FAM149B1: variants seen among roughly 807,000 people sequenced by gnomAD.
FAM149B1 encodes family with sequence similarity 149 member B1.
FAM149B1 carries 56 observed loss-of-function variants against 75.3 expected under a neutral mutation model. That is an observed-to-expected ratio of 0.74 (90% CI 0.60 to 0.93). FAM149B1 has a LOEUF of 0.93. Ranked by LOEUF, FAM149B1 falls within the 40% of genes least tolerant of loss-of-function variation. The pLI is 0.00. For missense variants in FAM149B1, 639 were observed against 708.4 expected (o/e 0.90, Z 1.11); for synonymous variants, 259 against 256.1 (o/e 1.01, Z -0.11).
chr10:73,190,733 T>G (rs1163722086), intron 3 of FAM149B1, among the ~76,000 whole-genome samples: 13 of 151,662 alleles, frequency 8.6e-5, no homozygotes, highest in Non-Finnish European at 1.8e-4. Flanking sequence ...TTTTTTTTTT[T>G]TTTTTAAGAG....
rs2043942146 is a variant in FAM149B1 at position 73,241,074 on chromosome 10, T to C, written c.*55T>C. 4 of 984,496 alleles carry C rather than the reference T, an allele frequency of 4.1e-6. No homozygotes were observed. Among genetic ancestry groups the C allele is most frequent in the Middle Eastern group, 2.0e-4 (1 of 4,882 alleles). The allele number at this position is 984,496 out of a possible 1,614,324, so 61.0% of individuals were successfully genotyped here. A position where few individuals can be genotyped will look rare whatever the true frequency, so the allele number is the denominator to read the frequency against. On this transcript the variant is annotated 3_prime_UTR_variant, in exon 14 of 14. Coordinates refer to ENST00000242505, the MANE Select transcript of FAM149B1 (RefSeq NM_173348.2). Reference sequence around the variant, plus strand: ...GGAAACACGAGATTTCATGAAGCAGTATTCAGTCATCAAGTGATGCAGAGC... The same window carrying C: ...GGAAACACGAGATTTCATGAAGCAGCATTCAGTCATCAAGTGATGCAGAGC...
intron 12 of FAM149B1, 54 bp from the exon 13 acceptor site, chr10:73,239,257 AT>A (rs2133417132): frequency 6.9e-7 from 1 of 1,439,170 alleles, no homozygotes; most frequent in Non-Finnish European, 9.6e-7. Flanking sequence ...CTGCTAAAAT[AT>A]TATCCTTTGT....
intron 3 of FAM149B1, among the ~76,000 whole-genome samples, chr10:73,182,156 T>C (rs1455750303): frequency 1.3e-5 from 2 of 152,044 alleles, no homozygotes; most frequent in Non-Finnish European, 2.9e-5. Context: ...AGTGTGTTTC[T>C]TGTAGGCAAC....
At chr10:73,203,623 T>C (rs2042987608) in intron 5 of FAM149B1, among the ~76,000 whole-genome samples, 1 of 151,574 alleles carries the variant, frequency 6.6e-6, no homozygotes, top group South Asian at 2.1e-4. Flanking sequence ...TTGGCAATTA[T>C]AAACAATTCT....
Position 73,208,614 on chromosome 10 carries a change from C to T in FAM149B1, c.543-5C>T, listed in dbSNP as rs1345833414. 3 of 1,489,344 alleles carry T rather than the reference C, an allele frequency of 2.0e-6. No individual in the cohort carries two copies. In the East Asian group the frequency reaches 7.5e-5, roughly 37 times the overall value. 92.3% of individuals were successfully genotyped at this position (1,489,344 alleles called of 1,614,324 possible). On this transcript the variant is annotated splice_region_variant and splice_polypyrimidine_tract_variant and intron_variant, in intron 5 of 13. Transcript: ENST00000242505. ...TTAATATTTACTTCTTTTTTCCACT[C>T]CAAGATTTGGTATAAGGGGAAAGAA...
At chr10:73,193,883 C>T (rs937822363) in intron 5 of FAM149B1, among the ~76,000 whole-genome samples, 2 of 152,124 alleles carry the variant, frequency 1.3e-5, no homozygotes, top group African/African-American at 4.8e-5. Context: ...TCTTACAGTT[C>T]TGGAGGCTGA....
chr10:73,184,110 G>A (rs552862229), intron 3 of FAM149B1, among the ~76,000 whole-genome samples: 27 of 152,216 alleles, frequency 1.8e-4, no homozygotes, highest in East Asian at 1.5e-3. Flanking sequence ...CTGGCTGACC[G>A]TGAGTCAGCT....
At chr10:73,232,341 A>G (rs987910244) in intron 9 of FAM149B1, among the ~76,000 whole-genome samples, 5 of 152,168 alleles carry the variant, frequency 3.3e-5, no homozygotes, top group African/African-American at 1.2e-4. Flanking sequence ...TATTTATGCA[A>G]ATAGGGCTAC....
intron 7 of FAM149B1, among the ~76,000 whole-genome samples, chr10:73,217,730 A>G (rs985415879): frequency 1.4e-4 from 22 of 152,182 alleles, no homozygotes; most frequent in African/African-American, 5.1e-4. Flanking sequence ...ACCATTATCT[A>G]TTGGTCTGAA....
intron 3 of FAM149B1, 92 bp from the exon 4 acceptor site, chr10:73,192,464 A>G: frequency 7.8e-7 from 1 of 1,284,764 alleles, no homozygotes; most frequent in Non-Finnish European, 1.1e-6. Context: ...AAATATGTAA[A>G]CAAAACAAGT....
At chr10:73,188,773 GGAAGGAAGGAAGGAA>G (rs1304242544) in intron 3 of FAM149B1, among the ~76,000 whole-genome samples, 116 of 119,030 alleles carry the variant, frequency 9.7e-4, no homozygotes, top group East Asian at 8.5e-3. Flanking sequence ...AAGGAAGGAA[GGAAGGAAGGAAGGAA>G]GGAAGGAAGG....
At chr10:73,221,411 G>A (rs866010558) in intron 7 of FAM149B1, among the ~76,000 whole-genome samples, 1 of 151,984 alleles carries the variant, frequency 6.6e-6, no homozygotes, top group African/African-American at 2.4e-5. Context: ...TTTCATTTTT[G>A]CAAGATAATT....
At chr10:73,227,364 T>C (rs1015544770) in intron 7 of FAM149B1, among the ~76,000 whole-genome samples, 1 of 152,186 alleles carries the variant, frequency 6.6e-6, no homozygotes, top group Non-Finnish European at 1.5e-5. Context: ...GGATTACAGA[T>C]GTCAGCCACC....
chr10:73,240,710 C>A, intron 13 of FAM149B1, among the ~76,000 whole-genome samples: 1 of 149,202 alleles, frequency 6.7e-6, no homozygotes, highest in Non-Finnish European at 1.5e-5. Context: ...TGAGACTCCA[C>A]CTCCAAAAAA....
rs147920257 is a variant in FAM149B1 at position 73,233,156 on chromosome 10, G to C, written c.1345G>C (p.Ala449Pro). 1.2e-4 allele frequency: 185 copies of C among 1,549,818 alleles called. No homozygotes were observed. The African/African-American group carries it at 2.0e-3, about 16-fold the overall frequency. The change falls in exon 10 of 14, where the codon GCC becomes CCC. Residue 449 changes from alanine to proline, a missense_variant. Ala to Pro is a conservative substitution (Grantham distance 27). Transcript: ENST00000242505. ...PRSVEEILRG[A>P]RVPVAPDSLS... The stretch of plus-strand genomic sequence containing the variant: ...ATCTGTGGAAGAAATCCTCAGAGGA[G>C]CCCGAGTGTAGGTTTCAAAAGCAGA...
intron 7 of FAM149B1, among the ~76,000 whole-genome samples, chr10:73,215,404 T>TA (rs775121905): frequency 1.3e-5 from 2 of 152,082 alleles, no homozygotes; most frequent in Non-Finnish European, 2.9e-5. Flanking sequence ...AATTTTTTTT[T>TA]AGAGATTGGG....
intron 7 of FAM149B1, among the ~76,000 whole-genome samples, chr10:73,223,718 G>A (rs1429020616): frequency 1.4e-5 from 2 of 146,762 alleles, no homozygotes; most frequent in African/African-American, 5.0e-5. Context: ...AAGCCACTAT[G>A]TTGTATGTGT....
intron 5 of FAM149B1, among the ~76,000 whole-genome samples, chr10:73,202,371 A>G (rs2042958378): frequency 6.6e-6 from 1 of 152,196 alleles, no homozygotes; most frequent in Non-Finnish European, 1.5e-5. Flanking sequence ...ACCACTGACT[A>G]AAAATATAAT....
At position 73,241,182 on chromosome 10, in the gene FAM149B1, C is replaced by A; in HGVS notation, c.*163C>A. On this transcript the variant is annotated 3_prime_UTR_variant, in exon 14 of 14. Transcript: ENST00000242505. Reference sequence around the variant, plus strand: ...CCGAAGAACAAAACACCATAGCAGCCAAAAATGACATGAGTGTTGTTTCTA... The same window carrying A: ...CCGAAGAACAAAACACCATAGCAGCAAAAAATGACATGAGTGTTGTTTCTA... 3.4e-6 allele frequency: 2 copies of A among 590,238 alleles called. No individual in the cohort carries two copies. Among genetic ancestry groups the A allele is most frequent in the Admixed American group, 2.6e-5 (1 of 37,960 alleles). The allele number at this position is 590,238 out of a possible 1,614,324, so 36.6% of individuals were successfully genotyped here. A position where few individuals can be genotyped will look rare whatever the true frequency, so the allele number is the denominator to read the frequency against.
Sources: allele counts gnomAD v4.1 joint callset (sites outside exome capture counted in the v4.1 genomes callset), GRCh38; gene constraint gnomAD v4.1.1; transcripts MANE v1.5; gene names NCBI Gene and HGNC (gene_info 2026-07-23, HGNC 2026-07-21).